PRR16: variants seen among roughly 807,000 people sequenced by gnomAD.
The protein encoded by PRR16 is proline rich 16, also known as protein Largen.
PRR16 carries 6 observed loss-of-function variants against 18.2 expected under a neutral mutation model. The observed-to-expected ratio is 0.33, with a 90% confidence interval of 0.18 to 0.65. PRR16 has a LOEUF of 0.65. Among genes scored for constraint, PRR16 ranks in the 30% least tolerant of loss-of-function variants. The pLI, the probability that PRR16 is intolerant of heterozygous loss-of-function variation, is 0.74. For synonymous variants in PRR16, 151 were observed against 147.8 expected, an observed-to-expected ratio of 1.02 and a Z score of -0.16; for missense variants, 412 against 376.6, an observed-to-expected ratio of 1.09 and a Z score of -0.78.
At chr5:120,466,498 C>T (rs1037874154) in intron 1 of PRR16, among the ~76,000 whole-genome samples, 3 of 152,184 alleles carry the variant, frequency 2.0e-5, no homozygotes, top group African/African-American at 7.2e-5. Context: ...TCAGTCCACT[C>T]ACTTTTTTTG....
the PRR16 span, among the ~76,000 whole-genome samples, chr5:120,701,086 C>T: frequency 1.6e-4 from 24 of 152,290 alleles, no homozygotes; most frequent in African/African-American, 5.5e-4. Flanking sequence ...TCTGGAGGAA[C>T]GCCTGGCCGC....
chr5:120,709,348 A>T, the PRR16 span, among the ~76,000 whole-genome samples: 1 of 152,068 alleles, frequency 6.6e-6, no homozygotes, highest in Non-Finnish European at 1.5e-5. Context: ...GTTATTTTTT[A>T]AAAACAATTA....
At chr5:120,665,496 T>C (rs1756338718) in intron 1 of PRR16, among the ~76,000 whole-genome samples, 1 of 152,142 alleles carries the variant, frequency 6.6e-6, no homozygotes, top group African/African-American at 2.4e-5. Flanking sequence ...CTTTTGTTGC[T>C]GTTGCTTTTA....
chr5:120,760,386 G>C, the PRR16 span, among the ~76,000 whole-genome samples: 1 of 151,880 alleles, frequency 6.6e-6, no homozygotes, highest in African/African-American at 2.4e-5. Context: ...TTTAACTACT[G>C]ACCAAACCTG....
intron 1 of PRR16, among the ~76,000 whole-genome samples, chr5:120,683,941 A>G (rs1279421768): frequency 1.3e-5 from 2 of 152,150 alleles, no homozygotes; most frequent in East Asian, 3.9e-4. Flanking sequence ...AAAAACCAAA[A>G]AAGTCATTGA....
intron 1 of PRR16, among the ~76,000 whole-genome samples, chr5:120,511,630 C>T (rs1750830178): frequency 6.6e-6 from 1 of 152,194 alleles, no homozygotes; most frequent in South Asian, 2.1e-4. Context: ...ATTTAAAGAA[C>T]TCAGATCTAG....
chr5:120,682,763 C>A (rs10060342), intron 1 of PRR16, among the ~76,000 whole-genome samples: 8,849 of 152,238 alleles, frequency 0.058, 316 homozygotes, highest in South Asian at 0.084. Flanking sequence ...TGGATAAATT[C>A]TTTCCTTCCC....
chr5:120,635,828 T>C (rs1022154122), intron 1 of PRR16, among the ~76,000 whole-genome samples: 35 of 152,140 alleles, frequency 2.3e-4, no homozygotes, highest in African/African-American at 7.2e-4. Context: ...GAAGTCAAAC[T>C]GGTGCTGTTT....
At chr5:120,613,836 C>T (rs1754416062) in intron 1 of PRR16, among the ~76,000 whole-genome samples, 1 of 152,172 alleles carries the variant, frequency 6.6e-6, no homozygotes, top group Non-Finnish European at 1.5e-5. Flanking sequence ...CAATAGCCCT[C>T]TGCTGTTTAG....
At chr5:120,595,973 G>A (rs991392178) in intron 1 of PRR16, among the ~76,000 whole-genome samples, 16 of 151,778 alleles carry the variant, frequency 1.1e-4, no homozygotes, top group African/African-American at 3.6e-4. Flanking sequence ...GGTTTTCATA[G>A]CAAATCAAAA....
chr5:120,486,604 C>G (rs969947066), intron 1 of PRR16, among the ~76,000 whole-genome samples: 35 of 152,234 alleles, frequency 2.3e-4, no homozygotes, highest in African/African-American at 8.2e-4. Context: ...GTTGCCTGTT[C>G]ACTCTGATGG....
intron 1 of PRR16, among the ~76,000 whole-genome samples, chr5:120,637,619 T>C (rs963983210): frequency 7.3e-6 from 1 of 136,958 alleles, no homozygotes; most frequent in African/African-American, 2.6e-5. Context: ...GGCATAAGAA[T>C]GATACATTGG....
At chr5:120,537,970 G>A (rs566454510) in intron 1 of PRR16, among the ~76,000 whole-genome samples, 2 of 151,536 alleles carry the variant, frequency 1.3e-5, no homozygotes, top group South Asian at 2.1e-4. Context: ...TAGAGACGGG[G>A]TTTCACCGTT....
At chr5:120,605,085 G>C (rs1413973416) in intron 1 of PRR16, among the ~76,000 whole-genome samples, 2 of 152,144 alleles carry the variant, frequency 1.3e-5, no homozygotes, top group African/African-American at 4.8e-5. Flanking sequence ...ACGTCAGCCT[G>C]TCTAGCAAGG....
chr5:120,524,233 C>T (rs1375069533), intron 1 of PRR16, among the ~76,000 whole-genome samples: 1 of 152,106 alleles, frequency 6.6e-6, no homozygotes, highest in Non-Finnish European at 1.5e-5. Flanking sequence ...AATATCTTCC[C>T]AAAATGTTCT....
intron 1 of PRR16, among the ~76,000 whole-genome samples, chr5:120,575,318 A>AGC (rs1554084545): frequency 2.9e-5 from 4 of 138,166 alleles, no homozygotes; most frequent in African/African-American, 1.1e-4. Flanking sequence ...CAGACAAGGA[A>AGC]ACACACACAC....
the PRR16 span, among the ~76,000 whole-genome samples, chr5:120,708,111 T>C: frequency 6.6e-6 from 1 of 152,242 alleles, no homozygotes; most frequent in African/African-American, 2.4e-5. Context: ...AACCATCTAA[T>C]TTGTCAGTAT....
At chr5:120,516,570 A>G (rs1006588828) in intron 1 of PRR16, among the ~76,000 whole-genome samples, 1 of 151,860 alleles carries the variant, frequency 6.6e-6, no homozygotes, top group Non-Finnish European at 1.5e-5. Flanking sequence ...TCATCCTGTC[A>G]CTACATTGGT....
intron 1 of PRR16, among the ~76,000 whole-genome samples, chr5:120,620,476 G>C (rs550349098): frequency 2.6e-5 from 4 of 152,216 alleles, no homozygotes; most frequent in African/African-American, 9.6e-5. Context: ...TCTTTAACCT[G>C]GCCTTAATCA....
Sources: gnomAD v4.1 joint callset for allele counts (sites outside exome capture counted in the v4.1 genomes callset) on GRCh38, gnomAD v4.1.1 for gene constraint, MANE v1.5 for transcripts, NCBI Gene and HGNC (gene_info 2026-07-23, HGNC 2026-07-21) for gene names.